The following SYNDIG1 variants were observed in gnomAD, a reference collection of about 807,000 sequenced individuals.
SYNDIG1 encodes the protein synapse differentiation-inducing gene protein 1.
In SYNDIG1, 9 loss-of-function variants were observed where a neutral mutation model predicts 19.4. The ratio of observed to expected loss-of-function variants is 0.46; its 90% confidence interval spans 0.28 to 0.81. SYNDIG1 has a LOEUF of 0.81. Among genes scored for constraint, SYNDIG1 ranks in the 30% least tolerant of loss-of-function variants. SYNDIG1 has a pLI of 0.12. For missense variants in SYNDIG1, 311 were observed against 343.3 expected (o/e 0.91, Z 0.74); for synonymous variants, 141 against 145.9 (o/e 0.97, Z 0.24).
At chr20:24,521,011 G>A (rs1217472220) in intron 1 of SYNDIG1, among the ~76,000 whole-genome samples, 1 of 152,090 alleles carries the variant, frequency 6.6e-6, no homozygotes, top group African/African-American at 2.4e-5. Flanking sequence ...CTGCAGCTGT[G>A]TTCTGTCTGT....
intron 1 of SYNDIG1, among the ~76,000 whole-genome samples, chr20:24,481,521 C>T (rs1331942892): frequency 6.6e-6 from 1 of 152,220 alleles, no homozygotes; most frequent in East Asian, 1.9e-4. Flanking sequence ...TCTCCTGAAC[C>T]GTCTCCACAG....
intron 1 of SYNDIG1, among the ~76,000 whole-genome samples, chr20:24,488,323 G>C (rs1281248256): frequency 6.6e-6 from 1 of 152,252 alleles, no homozygotes; most frequent in Non-Finnish European, 1.5e-5. Flanking sequence ...CCAGACGTGA[G>C]AGCCAAACAG....
intron 3 of SYNDIG1, among the ~76,000 whole-genome samples, chr20:24,655,471 T>C (rs1481494336): frequency 6.6e-6 from 1 of 152,178 alleles, no homozygotes; most frequent in African/African-American, 2.4e-5. Flanking sequence ...GTTGACAAAT[T>C]GATAAATCAA....
chr20:24,636,013 C>T (rs2059311328), intron 3 of SYNDIG1, among the ~76,000 whole-genome samples: 1 of 152,214 alleles, frequency 6.6e-6, no homozygotes, highest in African/African-American at 2.4e-5. Context: ...ACCTGCATAA[C>T]AATGACTGTC....
intron 2 of SYNDIG1, among the ~76,000 whole-genome samples, chr20:24,555,061 A>G (rs1428603529): frequency 6.6e-6 from 1 of 152,150 alleles, no homozygotes; most frequent in Non-Finnish European, 1.5e-5. Context: ...GAATTTATCC[A>G]TTTCTTCTAG....
intron 3 of SYNDIG1, among the ~76,000 whole-genome samples, chr20:24,633,637 T>C (rs1453870852): frequency 6.6e-6 from 1 of 152,206 alleles, no homozygotes; most frequent in Non-Finnish European, 1.5e-5. Context: ...ACCAGCAGCA[T>C]CAGGGTCATC....
intron 1 of SYNDIG1, among the ~76,000 whole-genome samples, chr20:24,508,615 CA>C (rs1329825055): frequency 6.6e-6 from 1 of 151,882 alleles, no homozygotes; most frequent in Non-Finnish European, 1.5e-5. Flanking sequence ...TTTAAATGAA[CA>C]AACAAAAAAA....
At chr20:24,663,930 G>A (rs1321847257) in intron 3 of SYNDIG1, among the ~76,000 whole-genome samples, 1 of 152,124 alleles carries the variant, frequency 6.6e-6, no homozygotes, top group East Asian at 1.9e-4. Flanking sequence ...GAGCACTGCT[G>A]CATGAAACAG....
chr20:24,539,896 G>A (rs1304999010), intron 1 of SYNDIG1, among the ~76,000 whole-genome samples: 5 of 151,782 alleles, frequency 3.3e-5, no homozygotes, highest in East Asian at 1.9e-4. Context: ...CTTCTGCCTC[G>A]GCCTCATGAG....
intron 3 of SYNDIG1, among the ~76,000 whole-genome samples, chr20:24,627,337 A>G (rs1258961748): frequency 1.3e-5 from 2 of 152,214 alleles, no homozygotes; most frequent in African/African-American, 4.8e-5. Flanking sequence ...GCTCTACTTC[A>G]ATGAAAACAG....
chr20:24,480,516 C>T (rs1022315761), intron 1 of SYNDIG1, among the ~76,000 whole-genome samples: 4 of 152,320 alleles, frequency 2.6e-5, no homozygotes, highest in South Asian at 2.1e-4. Flanking sequence ...CCCATGTGCA[C>T]TACTTGGGGA....
intron 2 of SYNDIG1, among the ~76,000 whole-genome samples, chr20:24,556,507 A>G (rs1287105287): frequency 2.0e-5 from 3 of 152,182 alleles, no homozygotes; most frequent in Admixed American, 6.5e-5. Flanking sequence ...CCTTGTGGTG[A>G]CAAAATCTCT....
intron 3 of SYNDIG1, among the ~76,000 whole-genome samples, chr20:24,654,514 G>A (rs1276730999): frequency 6.6e-6 from 1 of 152,038 alleles, no homozygotes; most frequent in South Asian, 2.1e-4. Flanking sequence ...CTTGGAGAAC[G>A]ATTGAGGAAA....
At chr20:24,642,196 T>G (rs2147341523) in intron 3 of SYNDIG1, among the ~76,000 whole-genome samples, 1 of 152,360 alleles carries the variant, frequency 6.6e-6, no homozygotes, top group Admixed American at 6.5e-5. Context: ...TTTGATGGCC[T>G]TGACAATTTT....
chr20:24,632,957 T>G (rs1356065605), intron 3 of SYNDIG1, among the ~76,000 whole-genome samples: 1 of 152,116 alleles, frequency 6.6e-6, no homozygotes, highest in Non-Finnish European at 1.5e-5. Flanking sequence ...GTTTGTTTTT[T>G]TTTTTTTTTC....
At chr20:24,650,402 G>A (rs1325429052) in intron 3 of SYNDIG1, among the ~76,000 whole-genome samples, 2 of 152,206 alleles carry the variant, frequency 1.3e-5, no homozygotes, top group African/African-American at 2.4e-5. Context: ...ATAGTGAGCT[G>A]TCCATCCTCA....
chr20:24,525,935 G>A (rs1425784133), intron 1 of SYNDIG1, among the ~76,000 whole-genome samples: 1 of 152,090 alleles, frequency 6.6e-6, no homozygotes, highest in African/African-American at 2.4e-5. Context: ...GAGAATTGTT[G>A]TATACGGTTA....
intron 1 of SYNDIG1, among the ~76,000 whole-genome samples, chr20:24,479,800 TCCTCTCGAAGCCC>T (rs1249386679): frequency 7.9e-5 from 12 of 152,214 alleles, no homozygotes; most frequent in Non-Finnish European, 1.5e-4. Flanking sequence ...TCTGGGGCGC[TCCTCTCGAAGCCC>T]CCTACTGGCA....
chr20:24,634,231 TA>T (rs2059290596), intron 3 of SYNDIG1, among the ~76,000 whole-genome samples: 1 of 152,240 alleles, frequency 6.6e-6, no homozygotes, highest in South Asian at 2.1e-4. Flanking sequence ...CTTTTTCACA[TA>T]ATGTAAATAC....
Sources: gnomAD v4.1 joint callset for allele counts (sites outside exome capture counted in the v4.1 genomes callset) on GRCh38, gnomAD v4.1.1 for gene constraint, MANE v1.5 for transcripts, NCBI Gene and HGNC (gene_info 2026-07-23, HGNC 2026-07-21) for gene names.